NALF1: variants seen among roughly 807,000 people sequenced by gnomAD.
NALF1 encodes the protein NALCN channel auxiliary factor 1.
Under a neutral mutation model 48.4 loss-of-function variants are expected in NALF1, and 3 were observed. The observed-to-expected ratio is 0.06, with a 90% CI of 0.03 to 0.16. NALF1 has a LOEUF of 0.16. Ranked by LOEUF, NALF1 falls within the 10% of genes least tolerant of loss-of-function variation. NALF1 has a pLI of 1.00. For synonymous variants in NALF1, 262 were observed against 245.7 expected (o/e 1.07, Z -0.62); for missense variants, 526 against 571.5 (o/e 0.92, Z 0.81).
chr13:107,738,689 T>C (rs1176742683), intron 1 of NALF1, among the ~76,000 whole-genome samples: 1 of 152,148 alleles, frequency 6.6e-6, no homozygotes, highest in Admixed American at 6.5e-5. Flanking sequence ...ATTTTTGAAA[T>C]GGAGTCTAGC....
At chr13:107,313,536 T>C (rs560722110) in intron 1 of NALF1, among the ~76,000 whole-genome samples, 2 of 152,148 alleles carry the variant, frequency 1.3e-5, no homozygotes, top group Non-Finnish European at 2.9e-5. Flanking sequence ...AACAGTTCTG[T>C]TGGATTTCAC....
At chr13:107,196,741 A>G (rs1028386867) in intron 2 of NALF1, among the ~76,000 whole-genome samples, 1 of 152,130 alleles carries the variant, frequency 6.6e-6, no homozygotes, top group African/African-American at 2.4e-5. Flanking sequence ...AATATGGAGG[A>G]TGAACAGGTT....
chr13:107,203,473 G>A, intron 2 of NALF1, among the ~76,000 whole-genome samples: 1 of 152,188 alleles, frequency 6.6e-6, no homozygotes, highest in East Asian at 1.9e-4. Context: ...TTGAGCAAAG[G>A]GTGACTTTCC....
chr13:107,851,999 A>T (rs1696178705), intron 1 of NALF1, among the ~76,000 whole-genome samples: 1 of 150,146 alleles, frequency 6.7e-6, no homozygotes, highest in Admixed American at 6.6e-5. Context: ...GGGGGGTGTC[A>T]TTATGTTGCC....
intron 1 of NALF1, among the ~76,000 whole-genome samples, chr13:107,797,662 T>C (rs531249488): frequency 6.6e-6 from 1 of 152,332 alleles, no homozygotes; most frequent in East Asian, 1.9e-4. Flanking sequence ...TCCAGTCTGG[T>C]TGAAGAATGA....
At chr13:107,493,769 G>C (rs1030778726) in intron 1 of NALF1, among the ~76,000 whole-genome samples, 1 of 152,238 alleles carries the variant, frequency 6.6e-6, no homozygotes, top group South Asian at 2.1e-4. Flanking sequence ...CATACCTGCA[G>C]TTCCAGCTAC....
At chr13:107,826,481 T>C (rs977376185) in intron 1 of NALF1, among the ~76,000 whole-genome samples, 2 of 152,224 alleles carry the variant, frequency 1.3e-5, no homozygotes, top group African/African-American at 4.8e-5. Flanking sequence ...AAAGGCATCA[T>C]GTATAACAGT....
chr13:107,535,336 T>C (rs892320584), intron 1 of NALF1, among the ~76,000 whole-genome samples: 2 of 152,102 alleles, frequency 1.3e-5, no homozygotes. Flanking sequence ...ATAGCTCTTA[T>C]TATTTTGAGA....
intron 1 of NALF1, among the ~76,000 whole-genome samples, chr13:107,638,840 C>T (rs1054130969): frequency 5.9e-5 from 9 of 152,044 alleles, no homozygotes; most frequent in African/African-American, 1.9e-4. Context: ...CTCCAGAAGG[C>T]TAGTGAGGCT....
At chr13:107,760,308 AT>A (rs1337925684) in intron 1 of NALF1, among the ~76,000 whole-genome samples, 2 of 120,788 alleles carry the variant, frequency 1.7e-5, no homozygotes, top group Non-Finnish European at 3.4e-5. Flanking sequence ...GAAGGAGAAG[AT>A]TTTAAAAATC....
intron 1 of NALF1, among the ~76,000 whole-genome samples, chr13:107,442,865 C>T (rs889177650): frequency 1.3e-5 from 2 of 151,986 alleles, no homozygotes. Flanking sequence ...ATTGATATAA[C>T]GGTTAAAAAC....
chr13:107,362,590 C>A lies in NALF1; in HGVS notation c.916-151835G>T, dbSNP rs1236550311. ...ACCAGTCACACTGGATTAGCGCCCA[C>A]CCTAATGACCTCATCTTAATCATCT... is the stretch of plus-strand genomic sequence containing the variant. On this transcript the variant is annotated intron_variant, in intron 1 of 2. Transcript: ENST00000375915. The surrounding 1 kb of genome is among the most constrained non-coding windows in gnomAD (Gnocchi z 4.6). Among the ~76,000 whole-genome samples, 4 of 152,146 alleles carry A rather than the reference C, an allele frequency of 2.6e-5. No homozygotes were observed. The highest frequency in any genetic ancestry group is 2.0e-4 in the Admixed American group (3 of 15,268).
intron 1 of NALF1, among the ~76,000 whole-genome samples, chr13:107,428,356 C>A (rs2139014594): frequency 6.6e-6 from 1 of 152,366 alleles, no homozygotes; most frequent in East Asian, 1.9e-4. Context: ...GACTTGCAAT[C>A]TAGACCCAGC....
chr13:107,245,657 G>A (rs966004784), intron 1 of NALF1, among the ~76,000 whole-genome samples: 2 of 151,938 alleles, frequency 1.3e-5, no homozygotes, highest in African/African-American at 4.8e-5. Flanking sequence ...AAATCATATC[G>A]ATTAAAAGAG....
chr13:107,288,069 G>A (rs1187635428), intron 1 of NALF1, among the ~76,000 whole-genome samples: 1 of 151,420 alleles, frequency 6.6e-6, no homozygotes, highest in African/African-American at 2.4e-5. Flanking sequence ...TTCCCATATA[G>A]GTCCTTATTT....
chr13:107,721,813 G>A (rs1185782966), intron 1 of NALF1, among the ~76,000 whole-genome samples: 2 of 152,176 alleles, frequency 1.3e-5, no homozygotes, highest in Non-Finnish European at 2.9e-5. Flanking sequence ...CCGGAGGAGA[G>A]GGAACTGCAG....
chr13:107,524,919 A>G (rs192110565), intron 1 of NALF1, among the ~76,000 whole-genome samples: 41 of 152,218 alleles, frequency 2.7e-4, no homozygotes, highest in African/African-American at 9.4e-4. Context: ...ACATCTCAGT[A>G]TAACAGCTGA....
intron 1 of NALF1, among the ~76,000 whole-genome samples, chr13:107,383,539 C>T (rs1272878229): frequency 6.6e-6 from 1 of 152,012 alleles, no homozygotes; most frequent in African/African-American, 2.4e-5. Context: ...AAACTATCAA[C>T]CACTGAAGTT....
chr13:107,688,802 C>T (rs147109721), intron 1 of NALF1, among the ~76,000 whole-genome samples: 287 of 152,238 alleles, frequency 1.9e-3, no homozygotes, highest in Non-Finnish European at 3.3e-3. Flanking sequence ...GGCGAAATCC[C>T]TCTCTGAATA....
Sources: allele counts gnomAD v4.1 joint callset (sites outside exome capture counted in the v4.1 genomes callset), GRCh38; gene constraint gnomAD v4.1.1; non-coding constraint Gnocchi (gnomAD v3.1); transcripts MANE v1.5; gene names NCBI Gene and HGNC (gene_info 2026-07-23, HGNC 2026-07-21).